The following NRXN1 variants were observed in gnomAD, a reference collection of about 807,000 sequenced individuals.
NRXN1 encodes the protein neurexin-1.
NRXN1 carries 39 observed loss-of-function variants against 150.9 expected under a neutral mutation model. The ratio of observed to expected loss-of-function variants is 0.26; its 90% CI spans 0.20 to 0.34. NRXN1 has a LOEUF of 0.34. Ranked by LOEUF, NRXN1 falls within the 10% of genes least tolerant of loss-of-function variation. The pLI is 1.00. For synonymous variants in NRXN1, 924 were observed against 757.0 expected (o/e 1.22, Z -3.62); for missense variants, 1,815 against 1,949.9 (o/e 0.93, Z 1.30).
At chr2:50,190,976 A>C (rs907850691) in intron 18 of NRXN1, among the ~76,000 whole-genome samples, 3 of 152,112 alleles carry the variant, frequency 2.0e-5, no homozygotes, top group Non-Finnish European at 4.4e-5. Context: ...TTATTTTGAA[A>C]TACAGAATCA....
At chr2:50,028,437 A>C (rs1688706877) in intron 21 of NRXN1, among the ~76,000 whole-genome samples, 1 of 152,214 alleles carries the variant, frequency 6.6e-6, no homozygotes, top group African/African-American at 2.4e-5. Flanking sequence ...GACCTTCAAC[A>C]GTCTTGTAAA....
intron 17 of NRXN1, among the ~76,000 whole-genome samples, chr2:50,293,262 C>G (rs962219124): frequency 6.6e-6 from 1 of 152,064 alleles, no homozygotes; most frequent in Non-Finnish European, 1.5e-5. Context: ...TCTTTTCCAT[C>G]TCTCAGACCA....
At chr2:50,240,947 C>G (rs576307535) in intron 17 of NRXN1, among the ~76,000 whole-genome samples, 80 of 151,618 alleles carry the variant, frequency 5.3e-4, no homozygotes, top group Non-Finnish European at 9.2e-4. Context: ...AATATGAAAG[C>G]CTTCAGAAAA....
chr2:50,367,460 ATTAT>A (rs2079667775), intron 17 of NRXN1, among the ~76,000 whole-genome samples: 1 of 151,978 alleles, frequency 6.6e-6, no homozygotes, highest in Non-Finnish European at 1.5e-5. Context: ...AATATATCAA[ATTAT>A]TTATTTATCT....
intron 12 of NRXN1, among the ~76,000 whole-genome samples, chr2:50,527,616 A>T (rs1264163450): frequency 6.6e-6 from 1 of 152,152 alleles, no homozygotes; most frequent in African/African-American, 2.4e-5. Flanking sequence ...TAAGAGGCAC[A>T]GTGTTTGAAA....
rs965663104 is a variant in NRXN1, at chr2:50,775,973, C to T, written c.832+145896G>A. ...TGTGATAAGAAAGCGTCACAGTCTCCGACCTCTAGATGCTTAAAATCTAAG... is the reference window on the plus strand; with the variant it reads ...TGTGATAAGAAAGCGTCACAGTCTCTGACCTCTAGATGCTTAAAATCTAAG... On this transcript the variant is annotated intron_variant, in intron 5 of 22. Transcript: ENST00000401669. Among the ~76,000 whole-genome samples the T allele has an allele frequency of 2.6e-5, 4 of 151,958 alleles. No homozygotes were observed. In the South Asian group the frequency reaches 6.2e-4, roughly 24 times the overall value.
chr2:49,963,200 A>T (rs1304884425), intron 21 of NRXN1, among the ~76,000 whole-genome samples: 1 of 152,170 alleles, frequency 6.6e-6, no homozygotes, highest in Non-Finnish European at 1.5e-5. Context: ...GCTTCCTTTT[A>T]ACGTCACAGA....
chr2:50,157,941 C>G (rs188069994), intron 18 of NRXN1, among the ~76,000 whole-genome samples: 1 of 150,736 alleles, frequency 6.6e-6, no homozygotes, highest in Non-Finnish European at 1.5e-5. Context: ...AGTAATCCCC[C>G]GAGAGTGGAT....
At chr2:51,019,076 G>C (rs1035849424) in intron 2 of NRXN1, among the ~76,000 whole-genome samples, 3 of 152,048 alleles carry the variant, frequency 2.0e-5, no homozygotes, top group Non-Finnish European at 2.9e-5. Flanking sequence ...TTATAAGTCA[G>C]CCATTTAAAA....
At chr2:49,984,109 G>A (rs1403087437) in intron 21 of NRXN1, among the ~76,000 whole-genome samples, 2 of 152,162 alleles carry the variant, frequency 1.3e-5, no homozygotes, top group Non-Finnish European at 2.9e-5. Context: ...TGAGGCTGCA[G>A]TGAGCTGTGA....
At chr2:50,256,061 T>G (rs1041242501) in intron 17 of NRXN1, among the ~76,000 whole-genome samples, 2 of 152,196 alleles carry the variant, frequency 1.3e-5, no homozygotes. Context: ...GAGAGCAGTA[T>G]TTTTGAAACA....
chr2:50,423,395 G>C lies in NRXN1; in HGVS notation c.3364+42047C>G, dbSNP rs187141351. ...TGACTTTTCCCAGCAATAAGTGCTG[G>C]TTTGATCTGCCAGGTTACCCTTCAA... On this transcript the variant is annotated intron_variant, in intron 17 of 22. Transcript: ENST00000401669. Among the ~76,000 whole-genome samples the C allele has an allele frequency of 2.9e-3, 448 of 151,912 alleles. 2 individuals are homozygous for C. The highest frequency in any genetic ancestry group is 0.01 in the African/African-American group (428 of 41,444).
At chr2:50,671,211 G>C (rs1167813076) in intron 5 of NRXN1, among the ~76,000 whole-genome samples, 1 of 151,502 alleles carries the variant, frequency 6.6e-6, no homozygotes, top group East Asian at 1.9e-4. Flanking sequence ...AATTTATCTT[G>C]AGAACAACAT....
At chr2:50,053,715 A>T in intron 20 of NRXN1, 125 bp from the exon 21 acceptor site, 1 of 943,758 alleles carries the variant, frequency 1.1e-6, no homozygotes, top group Non-Finnish European at 1.6e-6. Flanking sequence ...GAGGCATTTG[A>T]CTCATAATTC....
intron 17 of NRXN1, among the ~76,000 whole-genome samples, chr2:50,390,915 A>G (rs1393975923): frequency 3.9e-5 from 6 of 152,180 alleles, no homozygotes; most frequent in Non-Finnish European, 8.8e-5. Flanking sequence ...CAACACAAAC[A>G]GATTAAGAAA....
At chr2:50,074,388 T>C (rs1389309531) in intron 19 of NRXN1, among the ~76,000 whole-genome samples, 2 of 152,234 alleles carry the variant, frequency 1.3e-5, no homozygotes, top group Middle Eastern at 3.4e-3. Context: ...GTCAAGTCTA[T>C]TTGATTTTTA....
intron 18 of NRXN1, among the ~76,000 whole-genome samples, chr2:50,199,498 A>AAG (rs2062007379): frequency 6.6e-6 from 1 of 151,186 alleles, no homozygotes; most frequent in Non-Finnish European, 1.5e-5. Flanking sequence ...ATGTATGCCA[A>AAG]AGTAATCGCT....
intron 5 of NRXN1, among the ~76,000 whole-genome samples, chr2:50,729,547 A>G (rs2105187923): frequency 6.6e-6 from 1 of 152,312 alleles, no homozygotes; most frequent in South Asian, 2.1e-4. Flanking sequence ...GCTTTTACGC[A>G]TGGTCTTCTG....
intron 18 of NRXN1, among the ~76,000 whole-genome samples, chr2:50,198,558 G>A (rs560765964): frequency 6.6e-6 from 1 of 152,090 alleles, no homozygotes; most frequent in African/African-American, 2.4e-5. Context: ...GGTTTCTAAA[G>A]GCAACTCAAT....
Sources: allele counts gnomAD v4.1 joint callset (sites outside exome capture counted in the v4.1 genomes callset), GRCh38; gene constraint gnomAD v4.1.1; transcripts MANE v1.5; gene names NCBI Gene and HGNC (gene_info 2026-07-23, HGNC 2026-07-21).